Variants in FAM174B observed in about 807,000 individuals in gnomAD.
The protein encoded by FAM174B is family with sequence similarity 174 member B, also known as membrane protein FAM174B.
Under a neutral mutation model 10.9 loss-of-function variants are expected in FAM174B, and 12 were observed. The observed-to-expected ratio is 1.10, with a 90% CI of 0.71 to 1.79. The LOEUF (loss-of-function observed/expected upper bound fraction) is 1.79, where lower values mean the gene tolerates loss of function less well. FAM174B is among the 40% of genes most tolerant of loss of function. FAM174B has a pLI of 0.00. For synonymous variants in FAM174B, 132 were observed against 115.8 expected, an observed-to-expected ratio of 1.14 and a Z score of -0.90; for missense variants, 266 against 233.3, an observed-to-expected ratio of 1.14 and a Z score of -0.91.
At chr15:92,646,292 C>T (rs2050926807) in intron 1 of FAM174B, among the ~76,000 whole-genome samples, 1 of 152,162 alleles carries the variant, frequency 6.6e-6, no homozygotes, top group Admixed American at 6.6e-5. Context: ...TCACCCACTA[C>T]AAATCTCCTA....
At position 92,631,171 on chromosome 15, in the gene FAM174B, T is replaced by TATATTATATA. The variant is rs1370415592; in HGVS notation, c.345-827_345-826insTATATAATAT. 1.3e-4 allele frequency among the ~76,000 whole-genome samples: 2 copies of TATATTATATA among 15,676 alleles called. 1 individual carries two copies. The highest frequency in any genetic ancestry group is 4.0e-4 in the Non-Finnish European group (2 of 5,048). The allele number at this position is 15,676 out of a possible 152,430, so 10.3% of individuals were successfully genotyped here. A position where few individuals can be genotyped will look rare whatever the true frequency, so the allele number is the denominator to read the frequency against. On this transcript the variant is annotated intron_variant, in intron 1 of 2. Coordinates refer to ENST00000327355, the MANE Select transcript of FAM174B (RefSeq NM_207446.3). Reference sequence around the variant, plus strand: ...TATTATATTATATATTATATAATAATTTATATATTATATTATATATTATAT... The same window carrying TATATTATATA: ...TATTATATTATATATTATATAATAATATATTATATATTATATATTATATTATATATTATAT...
chr15:92,629,832 C>T (rs1228088229), intron 2 of FAM174B, among the ~76,000 whole-genome samples: 1 of 152,112 alleles, frequency 6.6e-6, no homozygotes, highest in Non-Finnish European at 1.5e-5. Context: ...TGCTCTCGTC[C>T]TGACAGTGAA....
intron 1 of FAM174B, among the ~76,000 whole-genome samples, chr15:92,643,350 G>GTGTGTGTGTT (rs1396022693): frequency 6.6e-6 from 1 of 150,770 alleles, no homozygotes; most frequent in Non-Finnish European, 1.5e-5. Flanking sequence ...AGGAATGTGT[G>GTGTGTGTGTT]TGTGTGTGTG....
At chr15:92,649,329 G>A (rs1056858801) in intron 1 of FAM174B, among the ~76,000 whole-genome samples, 1 of 152,210 alleles carries the variant, frequency 6.6e-6, no homozygotes, top group African/African-American at 2.4e-5. Context: ...TCCTTCATCA[G>A]GGAATTGAGT....
intron 1 of FAM174B, among the ~76,000 whole-genome samples, chr15:92,654,040 T>C (rs879405632): frequency 6.6e-6 from 1 of 152,200 alleles, no homozygotes; most frequent in Non-Finnish European, 1.5e-5. Flanking sequence ...TGAGGAACGA[T>C]GTGGCCTGAG....
intron 2 of FAM174B, among the ~76,000 whole-genome samples, chr15:92,623,470 G>A (rs964964089): frequency 7.2e-5 from 11 of 152,120 alleles, no homozygotes; most frequent in South Asian, 2.1e-4. Flanking sequence ...AGCTGCCACC[G>A]CCCAGGCTTA....
In FAM174B at chr15:92,648,581, C is replaced by T. The variant is rs373668263; in HGVS notation, c.344+6735G>A. Among the ~76,000 whole-genome samples the T allele has an allele frequency of 2.6e-4, 40 of 152,320 alleles. No homozygotes were observed. In the Middle Eastern group the frequency reaches 0.017, roughly 65 times the overall value. On this transcript the variant is annotated intron_variant, in intron 1 of 2. Transcript: ENST00000327355. ...GTTTAAGTCCTATTTTTCCTACAAACTCACTCAGTGACCTTCACCAAGCCT... is the reference window on the plus strand; with the variant it reads ...GTTTAAGTCCTATTTTTCCTACAAATTCACTCAGTGACCTTCACCAAGCCT...
At chr15:92,650,397 C>T (rs554842518) in intron 1 of FAM174B, among the ~76,000 whole-genome samples, 1 of 152,162 alleles carries the variant, frequency 6.6e-6, no homozygotes, top group African/African-American at 2.4e-5. Flanking sequence ...CAAAAAGAAG[C>T]CTCCTTTCAG....
In FAM174B at chr15:92,617,602, C is replaced by A; in HGVS notation, c.*1854G>T. 3.1e-6 allele frequency: 2 copies of A among 641,282 alleles called. No individual in the cohort carries two copies. The highest frequency in any genetic ancestry group is 5.5e-6 in the Non-Finnish European group (2 of 361,214). The allele number at this position is 641,282 out of a possible 1,614,324, so 39.7% of individuals were successfully genotyped here. On this transcript the variant is annotated 3_prime_UTR_variant, in exon 3 of 3. Coordinates refer to ENST00000327355, the MANE Select transcript of FAM174B (RefSeq NM_207446.3). Reference sequence around the variant, plus strand: ...TGTTTCTGCGTAAGGCAGAGGAATCCAGCTTTTCCATGAGATTCAGCTGCA... The same window carrying A: ...TGTTTCTGCGTAAGGCAGAGGAATCAAGCTTTTCCATGAGATTCAGCTGCA...
chr15:92,654,382 C>T (rs1165581141), intron 1 of FAM174B, among the ~76,000 whole-genome samples: 2 of 152,156 alleles, frequency 1.3e-5, no homozygotes. Flanking sequence ...TCCAGGCGGG[C>T]CTCAGTAACA....
At chr15:92,626,139 A>ACGGAGTCTCGCCCTTTCAC (rs373252541) in intron 2 of FAM174B, among the ~76,000 whole-genome samples, 1 of 137,398 alleles carries the variant, frequency 7.3e-6, no homozygotes, top group Non-Finnish European at 1.5e-5. Context: ...TTTTTTTGAG[A>ACGGAGTCTCGCCCTTTCAC]CCAGGCCGGA....
At chr15:92,630,841 A>G (rs867782817) in intron 1 of FAM174B, among the ~76,000 whole-genome samples, 109 of 36,342 alleles carry the variant, frequency 3.0e-3, no homozygotes, top group Middle Eastern at 0.021. Flanking sequence ...TATTATATAT[A>G]TTACATATTA....
rs751197094 is a variant in FAM174B, at chr15:92,655,708, C to G, written c.-49G>C. Reference sequence around the variant, plus strand: ...CGGGCAGGGCGCGCGCGGCTGAGCTCCAGGATCCGCACCAGCACGGAGGCC... The same window carrying G: ...CGGGCAGGGCGCGCGCGGCTGAGCTGCAGGATCCGCACCAGCACGGAGGCC... On this transcript the variant is annotated 5_prime_UTR_variant, in exon 1 of 3. Transcript: ENST00000327355. The G allele has an allele frequency of 7.2e-5, 88 of 1,223,012 alleles. No homozygotes were observed. The highest frequency in any genetic ancestry group is 8.8e-5 in the Non-Finnish European group (86 of 981,076). The allele number at this position is 1,223,012 out of a possible 1,614,324, so 75.8% of individuals were successfully genotyped here. A position where few individuals can be genotyped will look rare whatever the true frequency, so the allele number is the denominator to read the frequency against.
chr15:92,638,885 G>A (rs1372446179), intron 1 of FAM174B, among the ~76,000 whole-genome samples: 2 of 152,192 alleles, frequency 1.3e-5, no homozygotes, highest in Admixed American at 1.3e-4. Context: ...TGACCTCCAG[G>A]CACACAGGCC....
rs1413766935 is a variant in FAM174B at position 92,655,393 on chromosome 15, G to A, written c.267C>T (p.Pro89=). Reference sequence around the variant, plus strand: ...CCACGATCACGGCTGCCTTGAGGGTGGGTAGGTCGCGGAGGAGGATGGAAA... The same window carrying A: ...CCACGATCACGGCTGCCTTGAGGGTAGGTAGGTCGCGGAGGAGGATGGAAA... The part of the protein sequence containing the change: ...TRISILLRDL[P]TLKAAVIVAF... Residue 89 remains proline (P), a synonymous_variant, in exon 1 of 3, where the codon CCC becomes CCT. Transcript: ENST00000327355. 1 of 1,595,244 alleles carries A rather than the reference G, an allele frequency of 6.3e-7. No individual in the cohort carries two copies. The highest frequency in any genetic ancestry group is 8.5e-7 in the Non-Finnish European group (1 of 1,171,768).
chr15:92,655,151 C>A (rs1188970582), intron 1 of FAM174B, 165 bp downstream of exon 1: 8 of 969,676 alleles, frequency 8.3e-6, no homozygotes, highest in Non-Finnish European at 1.1e-5. Context: ...CAGACGAGCA[C>A]ACCCCGGCCC....
intron 1 of FAM174B, among the ~76,000 whole-genome samples, chr15:92,648,453 G>A (rs555882615): frequency 2.0e-5 from 3 of 152,236 alleles, no homozygotes; most frequent in South Asian, 4.2e-4. Flanking sequence ...TTGCTCCTAG[G>A]TGCTGGGTTC....
At chr15:92,649,114 G>A (rs1014753059) in intron 1 of FAM174B, among the ~76,000 whole-genome samples, 3 of 152,202 alleles carry the variant, frequency 2.0e-5, no homozygotes, top group Non-Finnish European at 4.4e-5. Flanking sequence ...GATTTGCCTG[G>A]TGTCTCAAGA....
At chr15:92,631,206 A>T (rs189538072) in intron 1 of FAM174B, among the ~76,000 whole-genome samples, 3,140 of 21,984 alleles carry the variant, frequency 0.14, 1,267 homozygotes, top group East Asian at 0.72. Flanking sequence ...TATATTACAT[A>T]TATTATATAT....
Sources: gnomAD v4.1 joint callset for allele counts (sites outside exome capture counted in the v4.1 genomes callset) on GRCh38, gnomAD v4.1.1 for gene constraint, MANE v1.5 for transcripts, NCBI Gene and HGNC (gene_info 2026-07-23, HGNC 2026-07-21) for gene names.